The following TSPAN9 variants were observed in gnomAD, a reference collection of about 807,000 sequenced individuals.
TSPAN9 encodes tetraspanin 9.
TSPAN9 carries 16 observed loss-of-function variants against 31.0 expected under a neutral mutation model. The ratio of observed to expected loss-of-function variants is 0.52; its 90% CI spans 0.35 to 0.78. The LOEUF (loss-of-function observed/expected upper bound fraction) is 0.78, where lower values mean the gene tolerates loss of function less well. Among genes scored for constraint, TSPAN9 ranks in the 30% least tolerant of loss-of-function variants. The pLI is 0.01. For missense variants in TSPAN9, 272 were observed against 312.5 expected (o/e 0.87, Z 0.98); for synonymous variants, 145 against 121.6 (o/e 1.19, Z -1.27).
At chr12:3,201,375 G>T in intron 3 of TSPAN9, 119 bp downstream of exon 3, 1 of 1,017,362 alleles carries the variant, frequency 9.8e-7, no homozygotes. Flanking sequence ...AGTGGTAAGT[G>T]TGCTTTTAAA....
intron 2 of TSPAN9, among the ~76,000 whole-genome samples, chr12:3,085,642 A>G (rs1409433410): frequency 6.6e-6 from 1 of 152,086 alleles, no homozygotes; most frequent in African/African-American, 2.4e-5. Context: ...GAACTTGGGC[A>G]AGTCGATTGG....
In TSPAN9 at chr12:3,192,176, G is replaced by A. The variant is rs1360620928; in HGVS notation, c.-17-9001G>A. ...GCCGGCCGTTTAGGGTTGCTCTAAG[G>A]ATTTGGACTGTACTAGAAAAGTAGA... is the stretch of plus-strand genomic sequence containing the variant. On this transcript the variant is annotated intron_variant, in intron 2 of 8. Coordinates refer to ENST00000011898, the MANE Select transcript of TSPAN9 (RefSeq NM_006675.5). The surrounding 1 kb of genome is among the most constrained non-coding windows in gnomAD (Gnocchi z 4.6). Among the ~76,000 whole-genome samples, 1 of 152,186 alleles carries A rather than the reference G, an allele frequency of 6.6e-6. No homozygotes were observed. Among genetic ancestry groups the A allele is most frequent in the Non-Finnish European group, 1.5e-5 (1 of 68,034 alleles).
intron 2 of TSPAN9, among the ~76,000 whole-genome samples, chr12:3,186,747 CAG>C (rs1295529321): frequency 6.6e-6 from 1 of 152,158 alleles, no homozygotes; most frequent in Non-Finnish European, 1.5e-5. Flanking sequence ...GGAGACCAGA[CAG>C]GGGGCTGCCC....
At chr12:3,232,919 G>A (rs188832370) in intron 3 of TSPAN9, among the ~76,000 whole-genome samples, 415 of 152,354 alleles carry the variant, frequency 2.7e-3, no homozygotes, top group Non-Finnish European at 4.4e-3. Context: ...GAGCCACACA[G>A]AAAGATTTTC....
intron 2 of TSPAN9, among the ~76,000 whole-genome samples, chr12:3,186,541 TTTGTTTG>T (rs1308108329): frequency 5.8e-5 from 3 of 51,434 alleles, no homozygotes; most frequent in African/African-American, 1.5e-4. Flanking sequence ...GGGCCAGGAG[TTTGTTTG>T]TGTGTGTGTG....
chr12:3,278,748 T>G, intron 4 of TSPAN9, 136 bp downstream of exon 4: 73 of 1,199,884 alleles, frequency 6.1e-5, no homozygotes, highest in Non-Finnish European at 7.8e-5. Context: ...TAGAACGTTC[T>G]AGGCTTGACC....
intron 2 of TSPAN9, among the ~76,000 whole-genome samples, chr12:3,095,795 G>A (rs2098308210): frequency 1.4e-5 from 2 of 145,802 alleles, no homozygotes; most frequent in South Asian, 2.2e-4. Flanking sequence ...GGGAAGAGGC[G>A]CTCCTCACTT....
intron 4 of TSPAN9, 108 bp from the exon 5 acceptor site, chr12:3,278,884 A>G: frequency 2.5e-6 from 3 of 1,217,850 alleles, no homozygotes; most frequent in Non-Finnish European, 2.4e-6. Flanking sequence ...GGCTTCTCCC[A>G]GACCTGGGAA....
At chr12:3,263,066 G>A (rs895116072) in intron 3 of TSPAN9, among the ~76,000 whole-genome samples, 12 of 152,218 alleles carry the variant, frequency 7.9e-5, no homozygotes, top group African/African-American at 2.7e-4. Context: ...GGAGGCAGAT[G>A]TGCTGGGTTC....
At chr12:3,164,094 C>G (rs2098346986) in intron 2 of TSPAN9, among the ~76,000 whole-genome samples, 1 of 152,080 alleles carries the variant, frequency 6.6e-6, no homozygotes, top group Non-Finnish European at 1.5e-5. Flanking sequence ...TGAGGCTGGA[C>G]CGTTCATTAG....
intron 3 of TSPAN9, among the ~76,000 whole-genome samples, chr12:3,245,833 T>C (rs1862114287): frequency 6.6e-6 from 1 of 151,732 alleles, no homozygotes; most frequent in Non-Finnish European, 1.5e-5. Context: ...TACTGGAGAG[T>C]CTTTGCTGGG....
At chr12:3,245,515 A>G (rs1862105653) in intron 3 of TSPAN9, among the ~76,000 whole-genome samples, 1 of 152,128 alleles carries the variant, frequency 6.6e-6, no homozygotes, top group African/African-American at 2.4e-5. Flanking sequence ...TTTCCCCTTG[A>G]TTTGCCATAT....
intron 2 of TSPAN9, among the ~76,000 whole-genome samples, chr12:3,109,876 C>T (rs1020061900): frequency 2.0e-4 from 30 of 151,032 alleles, no homozygotes; most frequent in African/African-American, 7.3e-4. Context: ...GATAGCAACA[C>T]AATCTTAGAG....
chr12:3,110,221 A>G (rs550421060), intron 2 of TSPAN9, among the ~76,000 whole-genome samples: 10 of 152,308 alleles, frequency 6.6e-5, no homozygotes, highest in African/African-American at 2.4e-4. Context: ...GTTTAAGTAC[A>G]GAGGCCAAGA....
rs77950449 is a variant in TSPAN9 at position 3,280,018 on chromosome 12, G to A, written c.331-364G>A. On this transcript the variant is annotated intron_variant, in intron 5 of 8. Coordinates refer to ENST00000011898, the MANE Select transcript of TSPAN9 (RefSeq NM_006675.5). The surrounding 1 kb of genome is among the most constrained non-coding windows in gnomAD (Gnocchi z 4.5). ...GCAGTCTGTGGGGAAGCTGTGTAGT[G>A]GGGGGCGGGGGTGGCAGAGTGGCCT... Among the ~76,000 whole-genome samples the A allele has an allele frequency of 6.6e-6, 1 of 152,048 alleles. No homozygotes were observed. The highest frequency in any genetic ancestry group is 2.4e-5 in the African/African-American group (1 of 41,400).
At chr12:3,142,392 C>CCCCGCCT in intron 2 of TSPAN9, among the ~76,000 whole-genome samples, 1 of 152,296 alleles carries the variant, frequency 6.6e-6, no homozygotes, top group South Asian at 2.1e-4. Context: ...TGGGCCCCCT[C>CCCCGCCT]CTCGCCTCTC....
Position 3,263,875 on chromosome 12 carries a change from G to A in TSPAN9, c.64-14546G>A, listed in dbSNP as rs550149383. The stretch of plus-strand genomic sequence containing the variant: ...ATGGCTCTGGATTGGACCGAGAACA[G>A]TGCAAAGGGAAGAGGAAGGCTTTTT... On this transcript the variant is annotated intron_variant, in intron 3 of 8. Coordinates refer to ENST00000011898, the MANE Select transcript of TSPAN9 (RefSeq NM_006675.5). Among the ~76,000 whole-genome samples, 18 of 152,344 alleles carry A rather than the reference G, an allele frequency of 1.2e-4. No homozygotes were observed. In the South Asian group the frequency reaches 3.5e-3, roughly 30 times the overall value.
At chr12:3,166,014 G>T (rs2098348233) in intron 2 of TSPAN9, among the ~76,000 whole-genome samples, 1 of 152,168 alleles carries the variant, frequency 6.6e-6, no homozygotes, top group African/African-American at 2.4e-5. Flanking sequence ...AAGTGGCCGA[G>T]GTGTGGGAAT....
chr12:3,223,553 G>T (rs1047948192), intron 3 of TSPAN9, among the ~76,000 whole-genome samples: 1 of 152,190 alleles, frequency 6.6e-6, no homozygotes. Flanking sequence ...AGTACTGCAC[G>T]TGTGCGTGTC....
Sources: gnomAD v4.1 joint callset for allele counts (sites outside exome capture counted in the v4.1 genomes callset) on GRCh38, gnomAD v4.1.1 for gene constraint, Gnocchi (gnomAD v3.1) non-coding constraint, MANE v1.5 for transcripts, NCBI Gene and HGNC (gene_info 2026-07-23, HGNC 2026-07-21) for gene names.